C1orf185: variants seen among roughly 807,000 people sequenced by gnomAD.
C1orf185 encodes the protein uncharacterized protein C1orf185.
In C1orf185, 13 loss-of-function variants were observed where a neutral mutation model predicts 16.1. That is an observed-to-expected ratio of 0.81 (90% confidence interval 0.53 to 1.28). The LOEUF (loss-of-function observed/expected upper bound fraction) is 1.28. Among genes scored for constraint, C1orf185 ranks in the 50% most tolerant of loss-of-function variants. The pLI, the probability that C1orf185 is intolerant of heterozygous loss-of-function variation, is 0.00. For synonymous variants in C1orf185, 80 were observed against 76.9 expected (o/e 1.04, Z -0.21); for missense variants, 220 against 225.2 (o/e 0.98, Z 0.15).
chr1:51,113,726 C>T (rs1646139686), intron 2 of C1orf185, among the ~76,000 whole-genome samples: 1 of 152,022 alleles, frequency 6.6e-6, no homozygotes, highest in Non-Finnish European at 1.5e-5. Context: ...TCAGCGTTTG[C>T]ATTGTCTAAT....
At chr1:51,115,871 A>G (rs1646153830) in intron 2 of C1orf185, among the ~76,000 whole-genome samples, 1 of 152,200 alleles carries the variant, frequency 6.6e-6, no homozygotes, top group Non-Finnish European at 1.5e-5. Flanking sequence ...TTTTGCAGGT[A>G]GAGTCAGCAG....
At chr1:51,121,973 A>C (rs562070931) in intron 3 of C1orf185, among the ~76,000 whole-genome samples, 1 of 152,192 alleles carries the variant, frequency 6.6e-6, no homozygotes, top group South Asian at 2.1e-4. Context: ...TTTTCCTTAT[A>C]GTTTTGCCAT....
chr1:51,117,815 C>T (rs1330066611), intron 2 of C1orf185, among the ~76,000 whole-genome samples: 1 of 152,158 alleles, frequency 6.6e-6, no homozygotes, highest in Non-Finnish European at 1.5e-5. Context: ...ATTTTACTTG[C>T]TGCTTTCTTT....
chr1:51,132,509 C>A (rs1646293379), intron 3 of C1orf185, among the ~76,000 whole-genome samples: 1 of 151,892 alleles, frequency 6.6e-6, no homozygotes, highest in Admixed American at 6.6e-5. Context: ...TGAAGATGGG[C>A]TTTCTGAAAT....
chr1:51,127,988 A>G (rs747271909), intron 3 of C1orf185, among the ~76,000 whole-genome samples: 4 of 151,306 alleles, frequency 2.6e-5, no homozygotes, highest in Non-Finnish European at 5.9e-5. Context: ...CCTGGGTTCA[A>G]GCGATTCTCC....
chr1:51,104,794 G>A (rs1646056862), intron 1 of C1orf185, among the ~76,000 whole-genome samples: 1 of 152,098 alleles, frequency 6.6e-6, no homozygotes, highest in South Asian at 2.1e-4. Flanking sequence ...TGGCTTAAGT[G>A]TCATTTCTAG....
chr1:51,111,991 A>G (rs1394669994), intron 1 of C1orf185, among the ~76,000 whole-genome samples: 1 of 152,210 alleles, frequency 6.6e-6, no homozygotes, highest in African/African-American at 2.4e-5. Flanking sequence ...AAACTTGTAA[A>G]GATTTCTAAG....
intron 1 of C1orf185, among the ~76,000 whole-genome samples, chr1:51,103,410 A>AC: frequency 7.8e-6 from 1 of 128,922 alleles, no homozygotes; most frequent in East Asian, 2.2e-4. Flanking sequence ...TGTCTCGAAA[A>AC]ACACACACAC....
At chr1:51,127,444 A>T (rs1646249605) in intron 3 of C1orf185, among the ~76,000 whole-genome samples, 1 of 152,008 alleles carries the variant, frequency 6.6e-6, no homozygotes, top group Non-Finnish European at 1.5e-5. Context: ...CATGCCACCA[A>T]GCCCAGCTAA....
At chr1:51,138,019 T>C (rs913635150) in intron 3 of C1orf185, among the ~76,000 whole-genome samples, 2 of 151,890 alleles carry the variant, frequency 1.3e-5, no homozygotes, top group African/African-American at 4.8e-5. Flanking sequence ...CATGGACACA[T>C]AGAGGGGAAC....
rs1399388140 is a variant in C1orf185, at chr1:51,128,187, C to T, written c.258+9386C>T. 2.0e-5 allele frequency among the ~76,000 whole-genome samples: 3 copies of T among 152,104 alleles called. No homozygotes were observed. The East Asian group carries it at 5.8e-4, about 29-fold the overall frequency. ...TACAGGCGTGAGCCACCGCGCCCAG[C>T]CTGTATTTTCATTTTTCATGGGAAA... On this transcript the variant is annotated intron_variant, in intron 3 of 4. Transcript: ENST00000371759.
chr1:51,145,436 C>A (rs1290676352), intron 3 of C1orf185, among the ~76,000 whole-genome samples: 1 of 152,140 alleles, frequency 6.6e-6, no homozygotes, highest in African/African-American at 2.4e-5. Context: ...TTAGCATTCT[C>A]TAGTTCTGAC....
intron 3 of C1orf185, among the ~76,000 whole-genome samples, chr1:51,143,192 A>C (rs1051574553): frequency 6.6e-6 from 1 of 152,174 alleles, no homozygotes; most frequent in Non-Finnish European, 1.5e-5. Flanking sequence ...CTGTGTGAAG[A>C]CACTTTGAAA....
At chr1:51,140,311 G>A (rs945491486) in intron 3 of C1orf185, among the ~76,000 whole-genome samples, 7 of 151,436 alleles carry the variant, frequency 4.6e-5, no homozygotes, top group African/African-American at 1.7e-4. Flanking sequence ...ATCTGAAAAT[G>A]ACATTTTTTA....
At chr1:51,129,703 G>A (rs1646269201) in intron 3 of C1orf185, 2 of 152,330 alleles carry the variant, frequency 1.3e-5, no homozygotes, top group South Asian at 4.1e-4. Flanking sequence ...TCAAGATGCT[G>A]AAAGATCCGG....
intron 3 of C1orf185, among the ~76,000 whole-genome samples, chr1:51,123,152 C>A (rs948429688): frequency 1.3e-5 from 2 of 152,120 alleles, no homozygotes; most frequent in African/African-American, 2.4e-5. Flanking sequence ...AGTCTCTTGT[C>A]TTCTTAGAAA....
chr1:51,105,378 A>G lies in C1orf185; in HGVS notation c.16+3129A>G, dbSNP rs118024888. Among the ~76,000 whole-genome samples, 251 of 152,268 alleles carry G rather than the reference A, an allele frequency of 1.6e-3. 3 individuals are homozygous for G. The East Asian group carries it at 0.03, about 18-fold the overall frequency. On this transcript the variant is annotated intron_variant, in intron 1 of 4. Transcript: ENST00000371759. Reference sequence around the variant, plus strand: ...AAAAAAAACTTTCTCCTATCTTTCTATAGATCTTCCTATGTCTTTATTTTG... The same window carrying G: ...AAAAAAAACTTTCTCCTATCTTTCTGTAGATCTTCCTATGTCTTTATTTTG...
At chr1:51,129,237 C>T (rs1290310771) in intron 3 of C1orf185, among the ~76,000 whole-genome samples, 1 of 152,080 alleles carries the variant, frequency 6.6e-6, no homozygotes, top group Non-Finnish European at 1.5e-5. Context: ...AACTCCTGGC[C>T]TCAAGTGATC....
chr1:51,104,660 G>A (rs998088811), intron 1 of C1orf185, among the ~76,000 whole-genome samples: 1 of 152,196 alleles, frequency 6.6e-6, no homozygotes, highest in Non-Finnish European at 1.5e-5. Context: ...AGGGCCAATT[G>A]TAAGCTGGAG....
Sources: gnomAD v4.1 joint callset for allele counts (sites outside exome capture counted in the v4.1 genomes callset) on GRCh38, gnomAD v4.1.1 for gene constraint, MANE v1.5 for transcripts, NCBI Gene and HGNC (gene_info 2026-07-23, HGNC 2026-07-21) for gene names.